ROBO1: variants seen among roughly 807,000 people sequenced by gnomAD.
ROBO1 encodes the protein roundabout homolog 1.
Under a neutral mutation model 195.9 loss-of-function variants are expected in ROBO1, and 149 were observed. That is an observed-to-expected ratio of 0.76 (90% CI 0.67 to 0.87). The LOEUF (loss-of-function observed/expected upper bound fraction) is 0.87, where lower values mean the gene tolerates loss of function less well. Among genes scored for constraint, ROBO1 ranks in the 40% least tolerant of loss-of-function variants. The pLI is 0.00. For synonymous variants in ROBO1, 816 were observed against 733.2 expected, an observed-to-expected ratio of 1.11 and a Z score of -1.82; for missense variants, 1,933 against 2,068.3, an observed-to-expected ratio of 0.93 and a Z score of 1.27.
chr3:79,286,772 A>G (rs1444708591), intron 2 of ROBO1, among the ~76,000 whole-genome samples: 1 of 152,170 alleles, frequency 6.6e-6, no homozygotes, highest in Non-Finnish European at 1.5e-5. Context: ...AATAATAATA[A>G]TATCACAACT....
At chr3:79,531,854 T>C (rs548738868) in intron 2 of ROBO1, among the ~76,000 whole-genome samples, 13 of 28,200 alleles carry the variant, frequency 4.6e-4, no homozygotes, top group African/African-American at 1.6e-3. Flanking sequence ...CGAATCATAG[T>C]ATGAATTTAA....
intron 3 of ROBO1, among the ~76,000 whole-genome samples, chr3:79,031,573 G>A (rs1480622795): frequency 6.6e-6 from 1 of 152,106 alleles, no homozygotes. Flanking sequence ...GGTGATGGTG[G>A]GTAAGTTTCT....
chr3:79,051,108 A>G (rs1576614440), intron 3 of ROBO1, among the ~76,000 whole-genome samples: 1 of 152,290 alleles, frequency 6.6e-6, no homozygotes, highest in Middle Eastern at 3.4e-3. Context: ...CAAAAAATCA[A>G]TGAATCCAGG....
intron 3 of ROBO1, among the ~76,000 whole-genome samples, chr3:79,029,041 G>GT (rs2078249947): frequency 6.6e-6 from 1 of 152,000 alleles, no homozygotes; most frequent in Admixed American, 6.5e-5. Flanking sequence ...AGAGTATAGT[G>GT]TTTAACATTT....
At chr3:79,234,055 G>A (rs1047839862) in intron 2 of ROBO1, among the ~76,000 whole-genome samples, 2 of 151,742 alleles carry the variant, frequency 1.3e-5, no homozygotes, top group African/African-American at 4.8e-5. Context: ...TTATTCAATT[G>A]TTTAAGTTCC....
In ROBO1 at chr3:79,618,313, C is replaced by T. The variant is rs371752344; in HGVS notation, c.-50-28352G>A. 9.5e-4 allele frequency among the ~76,000 whole-genome samples: 144 copies of T among 152,270 alleles called. 1 individual carries two copies. Among genetic ancestry groups the T allele is most frequent in the South Asian group, 4.1e-3 (20 of 4,820 alleles). The stretch of plus-strand genomic sequence containing the variant: ...AACTCTAAAAAACAAATCTTATTGT[C>T]AGGCCTCTGAGCCCACATCTGCATG... On this transcript the variant is annotated intron_variant, in intron 1 of 30. Coordinates refer to ENST00000464233, the MANE Select transcript of ROBO1 (RefSeq NM_002941.4).
At chr3:78,674,551 C>A (rs887468671) in intron 10 of ROBO1, among the ~76,000 whole-genome samples, 3 of 152,160 alleles carry the variant, frequency 2.0e-5, no homozygotes, top group African/African-American at 7.2e-5. Flanking sequence ...AAACAGCAAA[C>A]ACGAAATCAC....
intron 2 of ROBO1, among the ~76,000 whole-genome samples, chr3:79,356,682 T>C (rs911461605): frequency 1.3e-5 from 2 of 152,192 alleles, no homozygotes; most frequent in African/African-American, 4.8e-5. Context: ...TTTATTTATG[T>C]CATTGAAGAT....
chr3:78,673,562 T>TTTTATA (rs1397758766), intron 10 of ROBO1, among the ~76,000 whole-genome samples: 2 of 63,366 alleles, frequency 3.2e-5, no homozygotes, highest in African/African-American at 1.0e-4. Context: ...TACATATATT[T>TTTTATA]TATATATATA....
intron 2 of ROBO1, among the ~76,000 whole-genome samples, chr3:79,271,253 T>C (rs1037767715): frequency 6.6e-6 from 1 of 152,006 alleles, no homozygotes; most frequent in Non-Finnish European, 1.5e-5. Flanking sequence ...GAAGTAAATA[T>C]GTAACTGAAT....
At chr3:79,557,024 T>G (rs1036596271) in intron 2 of ROBO1, among the ~76,000 whole-genome samples, 2 of 151,128 alleles carry the variant, frequency 1.3e-5, no homozygotes, top group African/African-American at 4.8e-5. Context: ...TTTGTTGTTT[T>G]TTTTTTTTAT....
In ROBO1 at chr3:78,639,809, G is replaced by C; in HGVS notation, c.2972C>G (p.Ser991Cys). 1 of 1,613,610 alleles carries C rather than the reference G, an allele frequency of 6.2e-7. No homozygotes were observed. The highest frequency in any genetic ancestry group is 8.5e-7 in the Non-Finnish European group (1 of 1,179,700). The change falls in exon 22 of 31, where the codon TCC becomes TGC. Residue 991 changes from serine to cysteine, a missense_variant. This residue lies in a region of ROBO1 where 1,737 missense variants were observed against 1,882.5 expected (regional missense o/e 0.92). Transcript: ENST00000464233. The part of the protein sequence containing the change: ...PNTGNNHNDC[S>C]ISCCTAGNGN... Reference sequence around the variant, plus strand: ...ATTGCCTGCCGTGCAGCAGCTGATGGAGCAGTCATTGTGGTTGTTGCCAGT... The same window carrying C: ...ATTGCCTGCCGTGCAGCAGCTGATGCAGCAGTCATTGTGGTTGTTGCCAGT...
At chr3:79,756,496 G>A (rs1210954870) in intron 1 of ROBO1, among the ~76,000 whole-genome samples, 1 of 147,492 alleles carries the variant, frequency 6.8e-6, no homozygotes, top group Non-Finnish European at 1.5e-5. Context: ...ATTGCAGTGA[G>A]CCGAGATGGT....
intron 3 of ROBO1, among the ~76,000 whole-genome samples, chr3:78,975,634 A>G (rs1463279777): frequency 1.3e-5 from 2 of 152,170 alleles, no homozygotes; most frequent in Non-Finnish European, 2.9e-5. Context: ...AGACATAAAA[A>G]CAAGCTTTTA....
At position 78,617,622 on chromosome 3, in the gene ROBO1, T is replaced by C. The variant is rs550372151; in HGVS notation, c.4282+13A>G. On this transcript the variant is annotated intron_variant, in intron 27 of 30. Coordinates refer to ENST00000464233, the MANE Select transcript of ROBO1 (RefSeq NM_002941.4). ...TTTTCTTTCCCAGCTTGGTGAAAAGTGTTAGGACTCACCAGCAGCATCCTG... is the reference window on the plus strand; with the variant it reads ...TTTTCTTTCCCAGCTTGGTGAAAAGCGTTAGGACTCACCAGCAGCATCCTG... 10 of 1,596,038 alleles carry C rather than the reference T, an allele frequency of 6.3e-6. No individual in the cohort carries two copies. The highest frequency in any genetic ancestry group is 3.4e-5 in the Admixed American group (2 of 58,606).
chr3:79,201,892 TATATA>T (rs2081772345), intron 2 of ROBO1, among the ~76,000 whole-genome samples: 1 of 149,086 alleles, frequency 6.7e-6, no homozygotes, highest in African/African-American at 2.4e-5. Context: ...AATTATATAT[TATATA>T]ATATATAATT....
chr3:78,958,721 G>A (rs929756868), intron 3 of ROBO1, among the ~76,000 whole-genome samples: 1 of 151,168 alleles, frequency 6.6e-6, no homozygotes, highest in Admixed American at 6.6e-5. Context: ...GTTTAACCAG[G>A]ACCGTCCCAG....
chr3:79,140,929 C>T (rs991519576), intron 2 of ROBO1, among the ~76,000 whole-genome samples: 1 of 152,192 alleles, frequency 6.6e-6, no homozygotes, highest in Admixed American at 6.5e-5. Context: ...ACTTGAACTG[C>T]AGAACTTAGT....
intron 8 of ROBO1, among the ~76,000 whole-genome samples, chr3:78,708,270 G>A (rs1336627831): frequency 2.6e-5 from 4 of 151,972 alleles, no homozygotes; most frequent in East Asian, 3.9e-4. Context: ...CCTATCTTTC[G>A]TTTGGAAGAG....
Sources: allele counts gnomAD v4.1 joint callset (sites outside exome capture counted in the v4.1 genomes callset), GRCh38; gene constraint gnomAD v4.1.1; regional missense constraint gnomAD v4.1.1; transcripts MANE v1.5; gene names NCBI Gene and HGNC (gene_info 2026-07-23, HGNC 2026-07-21).